TPD52: variants seen among roughly 807,000 people sequenced by gnomAD.
TPD52 encodes the protein prostate and colon associated protein.
TPD52 carries 17 observed loss-of-function variants against 31.3 expected under a neutral mutation model. That is an observed-to-expected ratio of 0.54 (90% confidence interval 0.37 to 0.82). The LOEUF (loss-of-function observed/expected upper bound fraction) is 0.82, where lower values mean the gene tolerates loss of function less well. Among genes scored for constraint, TPD52 ranks in the 40% least tolerant of loss-of-function variants. The pLI is 0.00. For synonymous variants in TPD52, 83 were observed against 89.6 expected, an observed-to-expected ratio of 0.93 and a Z score of 0.42; for missense variants, 212 against 240.1, an observed-to-expected ratio of 0.88 and a Z score of 0.77.
chr8:80,074,909 C>T (rs1814344509), intron 1 of TPD52, among the ~76,000 whole-genome samples: 1 of 152,204 alleles, frequency 6.6e-6, no homozygotes, highest in Admixed American at 6.5e-5. Flanking sequence ...ACTGAGAAAA[C>T]TTGATCCACT....
rs928004147 is a variant in TPD52 at position 80,035,597 on chromosome 8, T to G, written c.*2519A>C. 2.6e-5 allele frequency: 4 copies of G among 152,346 alleles called. No homozygotes were observed. The South Asian group carries it at 6.2e-4, about 24-fold the overall frequency. The allele number at this position is 152,346 out of a possible 1,614,324, so 9.4% of individuals were successfully genotyped here. ...ACAGATCCAGATCCAAATTAAATACTTTTTTTCTATTTCAAACTATTCTAA... is the reference window on the plus strand; with the variant it reads ...ACAGATCCAGATCCAAATTAAATACGTTTTTTCTATTTCAAACTATTCTAA... On this transcript the variant is annotated 3_prime_UTR_variant, in exon 8 of 8. Coordinates refer to ENST00000518937, the MANE Select transcript of TPD52 (RefSeq NM_001025253.3).
At chr8:80,055,649 G>A (rs1481903548) in intron 2 of TPD52, among the ~76,000 whole-genome samples, 2 of 151,962 alleles carry the variant, frequency 1.3e-5, no homozygotes, top group African/African-American at 4.8e-5. Flanking sequence ...ATCTGACAAG[G>A]GACTAATATC....
intron 1 of TPD52, among the ~76,000 whole-genome samples, chr8:80,082,422 G>T (rs73261846): frequency 6.6e-6 from 1 of 152,036 alleles, no homozygotes; most frequent in South Asian, 2.1e-4. Context: ...AAAAGTATTT[G>T]TCCATTACTT....
At chr8:80,129,275 G>A (rs1023570958) in intron 1 of TPD52, among the ~76,000 whole-genome samples, 1 of 151,954 alleles carries the variant, frequency 6.6e-6, no homozygotes, top group African/African-American at 2.4e-5. Flanking sequence ...CAGTCACAAA[G>A]TATTGAACAA....
intron 7 of TPD52, among the ~76,000 whole-genome samples, chr8:80,040,794 A>G (rs1220287718): frequency 6.6e-6 from 1 of 152,244 alleles, no homozygotes; most frequent in Non-Finnish European, 1.5e-5. Context: ...TTTCAAATAT[A>G]TGACTTGGCA....
chr8:80,106,288 ATTAAG>A (rs1209850749), intron 1 of TPD52, among the ~76,000 whole-genome samples: 1 of 152,224 alleles, frequency 6.6e-6, no homozygotes, highest in Non-Finnish European at 1.5e-5. Context: ...TAAATGTACA[ATTAAG>A]TTATCGTTGA....
chr8:80,076,817 G>A (rs183666148), intron 1 of TPD52, among the ~76,000 whole-genome samples: 20 of 152,116 alleles, frequency 1.3e-4, no homozygotes, highest in Middle Eastern at 3.4e-3. Context: ...GACCACAGAC[G>A]TGTGCCACCA....
intron 1 of TPD52, among the ~76,000 whole-genome samples, chr8:80,148,245 C>T (rs1044494147): frequency 2.6e-5 from 4 of 151,892 alleles, no homozygotes; most frequent in East Asian, 1.9e-4. Context: ...TTCAACCTCC[C>T]GGGCTCAAGT....
intron 1 of TPD52, among the ~76,000 whole-genome samples, chr8:80,169,729 G>A (rs148211423): frequency 4.6e-5 from 7 of 152,224 alleles, no homozygotes; most frequent in East Asian, 1.9e-4. Context: ...TGTCTCCCCC[G>A]TCCTGCGTCG....
chr8:80,131,589 C>G (rs1586360716), intron 1 of TPD52, among the ~76,000 whole-genome samples: 1 of 152,160 alleles, frequency 6.6e-6, no homozygotes, highest in African/African-American at 2.4e-5. Context: ...AGCAAGAGTC[C>G]TGGGCCACTA....
intron 1 of TPD52, among the ~76,000 whole-genome samples, chr8:80,126,622 C>T (rs1808628548): frequency 6.6e-6 from 1 of 151,616 alleles, no homozygotes; most frequent in Admixed American, 6.6e-5. Context: ...GCTGAGACTA[C>T]AAGCATACGC....
chr8:80,085,539 G>A (rs1034354066), intron 1 of TPD52, among the ~76,000 whole-genome samples: 1 of 152,144 alleles, frequency 6.6e-6, no homozygotes, highest in Non-Finnish European at 1.5e-5. Context: ...GAATGCAGAC[G>A]TGTCATGGTG....
chr8:80,154,760 C>T (rs1358391532), intron 1 of TPD52, among the ~76,000 whole-genome samples: 2 of 133,868 alleles, frequency 1.5e-5, no homozygotes, highest in African/African-American at 2.7e-5. Context: ...CACAAAACAC[C>T]TACATTAGCT....
intron 1 of TPD52, among the ~76,000 whole-genome samples, chr8:80,156,702 A>G (rs1586414138): frequency 6.6e-6 from 1 of 152,298 alleles, no homozygotes; most frequent in East Asian, 1.9e-4. Context: ...TGAACATCTC[A>G]GGGGGAAAGG....
chr8:80,043,315 G>A (rs990902885), intron 6 of TPD52, among the ~76,000 whole-genome samples: 2 of 152,078 alleles, frequency 1.3e-5, no homozygotes, highest in Admixed American at 1.3e-4. Context: ...ATTAATTAAG[G>A]AGGATCATAG....
downstream of TPD52, among the ~76,000 whole-genome samples, chr8:80,031,206 G>A (rs1809685285): frequency 6.6e-6 from 1 of 152,188 alleles, no homozygotes. Context: ...TACTTCGAGA[G>A]AAAGAATTTT....
chr8:80,108,791 G>A (rs1807306778), intron 1 of TPD52, among the ~76,000 whole-genome samples: 1 of 152,116 alleles, frequency 6.6e-6, no homozygotes, highest in African/African-American at 2.4e-5. Flanking sequence ...TGGAAGTTTT[G>A]CTGGTTCTTT....
At chr8:80,160,270 T>C (rs1001079046) in intron 1 of TPD52, among the ~76,000 whole-genome samples, 4 of 152,184 alleles carry the variant, frequency 2.6e-5, no homozygotes, top group Admixed American at 2.0e-4. Context: ...GAAGCTTTTG[T>C]AGAGCTCTCC....
intron 5 of TPD52, among the ~76,000 whole-genome samples, chr8:80,046,226 C>T (rs976276499): frequency 2.0e-5 from 3 of 152,164 alleles, no homozygotes; most frequent in African/African-American, 7.2e-5. Context: ...GTGTTGAGCA[C>T]TTTTCTGTAT....
Sources: gnomAD v4.1 joint callset for allele counts (sites outside exome capture counted in the v4.1 genomes callset) on GRCh38, gnomAD v4.1.1 for gene constraint, MANE v1.5 for transcripts, NCBI Gene and HGNC (gene_info 2026-07-23, HGNC 2026-07-21) for gene names.